WWOX: variants seen among roughly 807,000 people sequenced by gnomAD.
WWOX encodes the protein WW domain-containing oxidoreductase.
WWOX carries 69 observed loss-of-function variants against 46.2 expected under a neutral mutation model. The ratio of observed to expected loss-of-function variants is 1.49; its 90% CI spans 1.23 to 1.82. The LOEUF is 1.82. Ranked by LOEUF, WWOX falls within the 40% of genes most tolerant of loss-of-function variation. The pLI, the probability that WWOX is intolerant of heterozygous loss-of-function variation, is 0.00. For synonymous variants in WWOX, 359 were observed against 202.6 expected (o/e 1.77, Z -6.56); for missense variants, 919 against 542.6 (o/e 1.69, Z -6.89).
intron 8 of WWOX, among the ~76,000 whole-genome samples, chr16:78,695,610 C>T (rs752546461): frequency 2.6e-5 from 4 of 152,102 alleles, no homozygotes; most frequent in African/African-American, 4.8e-5. Flanking sequence ...GCTGGCAAGT[C>T]GGAGTCTTTG....
At chr16:79,066,502 A>C (rs2048444432) in intron 8 of WWOX, among the ~76,000 whole-genome samples, 1 of 152,104 alleles carries the variant, frequency 6.6e-6, no homozygotes, top group African/African-American at 2.4e-5. Flanking sequence ...GGAAGGGGGA[A>C]GGGAAGAAGG....
At chr16:78,947,399 T>C (rs1301871923) in intron 8 of WWOX, among the ~76,000 whole-genome samples, 2 of 152,196 alleles carry the variant, frequency 1.3e-5, no homozygotes, top group East Asian at 1.9e-4. Context: ...TATCCCTGCA[T>C]TTATTACAGC....
intron 3 of WWOX, among the ~76,000 whole-genome samples, chr16:78,112,492 T>C (rs2032547279): frequency 1.3e-5 from 2 of 152,114 alleles, no homozygotes; most frequent in South Asian, 4.1e-4. Flanking sequence ...GGCCAAAGCT[T>C]GCTTGAGAGA....
At position 78,632,557 on chromosome 16, in the gene WWOX, ATT is replaced by A. The variant is rs545062752; in HGVS notation, c.1056+199825_1056+199826del. On this transcript the variant is annotated intron_variant, in intron 8 of 8. Coordinates refer to ENST00000566780, the MANE Select transcript of WWOX (RefSeq NM_016373.4). ...CTCTCTTCCCCCACTTACTTGGCCA[ATT>A]TTTTTTTTTTTTTTTTTTTGGTGGA... Among the ~76,000 whole-genome samples, 32 of 74,740 alleles carry A rather than the reference ATT, an allele frequency of 4.3e-4. 2 individuals are homozygous for A. The highest frequency in any genetic ancestry group is 1.3e-3 in the African/African-American group (23 of 17,976). 49.0% of individuals were successfully genotyped at this position (74,740 alleles called of 152,430 possible).
intron 8 of WWOX, among the ~76,000 whole-genome samples, chr16:78,690,521 C>T (rs1176489123): frequency 1.3e-5 from 2 of 152,108 alleles, no homozygotes; most frequent in Non-Finnish European, 2.9e-5. Flanking sequence ...CACTGTACTG[C>T]AGCCTGGGCG....
chr16:78,169,145 T>C (rs554050916), intron 5 of WWOX, among the ~76,000 whole-genome samples: 1 of 152,318 alleles, frequency 6.6e-6, no homozygotes, highest in South Asian at 2.1e-4. Context: ...ATTCACATCC[T>C]TATGTGAATT....
intron 8 of WWOX, among the ~76,000 whole-genome samples, chr16:79,084,746 C>G (rs1217757149): frequency 6.6e-6 from 1 of 150,580 alleles, no homozygotes; most frequent in East Asian, 2.0e-4. Flanking sequence ...TTCTTTTAAT[C>G]CTCACAGTGA....
intron 5 of WWOX, among the ~76,000 whole-genome samples, chr16:78,357,467 T>C (rs1783934764): frequency 6.6e-6 from 1 of 152,196 alleles, no homozygotes; most frequent in Non-Finnish European, 1.5e-5. Flanking sequence ...AATCAACCAC[T>C]TGGTCCCTTC....
intron 8 of WWOX, among the ~76,000 whole-genome samples, chr16:78,731,830 AT>A (rs1025095053): frequency 2.9e-5 from 4 of 139,874 alleles, no homozygotes; most frequent in East Asian, 4.0e-4. Flanking sequence ...CCCAATGCCA[AT>A]TTTTTTTCTT....
At chr16:78,638,963 G>A (rs1432297847) in intron 8 of WWOX, among the ~76,000 whole-genome samples, 1 of 152,118 alleles carries the variant, frequency 6.6e-6, no homozygotes, top group Non-Finnish European at 1.5e-5. Context: ...CTGGGGTGCT[G>A]GTAGTGGGGG....
At chr16:79,007,401 G>C (rs545851322) in intron 8 of WWOX, among the ~76,000 whole-genome samples, 121 of 152,328 alleles carry the variant, frequency 7.9e-4, no homozygotes, top group African/African-American at 2.7e-3. Flanking sequence ...GTGGCCCTGA[G>C]ACACTCAGAG....
chr16:78,581,488 C>G (rs1413393288), intron 8 of WWOX, among the ~76,000 whole-genome samples: 1 of 152,128 alleles, frequency 6.6e-6, no homozygotes, highest in Non-Finnish European at 1.5e-5. Context: ...TATAGTTTAA[C>G]CCTTTGAAGT....
chr16:78,903,886 C>T (rs1033019561), intron 8 of WWOX, among the ~76,000 whole-genome samples: 6 of 152,150 alleles, frequency 3.9e-5, no homozygotes, highest in Non-Finnish European at 8.8e-5. Flanking sequence ...TGTTGTTATT[C>T]CTCCTTTACA....
intron 4 of WWOX, chr16:78,124,028 GCAGCC>G (rs2151687674): frequency 6.6e-6 from 1 of 152,172 alleles, no homozygotes; most frequent in African/African-American, 2.4e-5. Flanking sequence ...ATGGTTTGAG[GCAGCC>G]CATTAATCGC....
intron 5 of WWOX, among the ~76,000 whole-genome samples, chr16:78,235,356 C>T (rs763807709): frequency 4.6e-5 from 7 of 152,120 alleles, no homozygotes; most frequent in Non-Finnish European, 1.0e-4. Context: ...TGGAGGGAAA[C>T]AAGCCTGCCA....
intron 8 of WWOX, among the ~76,000 whole-genome samples, chr16:79,102,873 C>T (rs538238289): frequency 6.6e-6 from 1 of 152,018 alleles, no homozygotes; most frequent in African/African-American, 2.4e-5. Flanking sequence ...GGCAGAATGT[C>T]CTGTGTACTT....
intron 8 of WWOX, among the ~76,000 whole-genome samples, chr16:78,737,294 G>C (rs2049114001): frequency 6.7e-6 from 1 of 148,844 alleles, no homozygotes; most frequent in South Asian, 2.1e-4. Context: ...GTATATATAT[G>C]TATATAATAT....
intron 8 of WWOX, chr16:79,204,790 C>T (rs2051454159): frequency 6.6e-6 from 1 of 152,168 alleles, no homozygotes; most frequent in Non-Finnish European, 1.5e-5. Flanking sequence ...CTATTTTTCT[C>T]TAAAACTTAA....
intron 5 of WWOX, among the ~76,000 whole-genome samples, chr16:78,310,103 A>G (rs1388430900): frequency 1.3e-5 from 2 of 149,932 alleles, no homozygotes; most frequent in Admixed American, 6.7e-5. Context: ...ATCATCATCC[A>G]TAGCTCTCTT....
Sources: allele counts gnomAD v4.1 joint callset (sites outside exome capture counted in the v4.1 genomes callset), GRCh38; gene constraint gnomAD v4.1.1; transcripts MANE v1.5; gene names NCBI Gene and HGNC (gene_info 2026-07-23, HGNC 2026-07-21).